Variants in NAALADL2 observed in about 807,000 individuals in gnomAD.
The protein encoded by NAALADL2 is N-acetylated alpha-linked acidic dipeptidase like 2.
NAALADL2 carries 76 observed loss-of-function variants against 87.2 expected under a neutral mutation model. The observed-to-expected ratio is 0.87, with a 90% CI of 0.72 to 1.05. The LOEUF is 1.05. Ranked by LOEUF, NAALADL2 falls within the 50% of genes least tolerant of loss-of-function variation. NAALADL2 has a pLI of 0.00. For missense variants in NAALADL2, 1,089 were observed against 945.8 expected, an observed-to-expected ratio of 1.15 and a Z score of -1.99; for synonymous variants, 354 against 331.0, an observed-to-expected ratio of 1.07 and a Z score of -0.75.
chr3:175,198,788 AT>A (rs34254741), intron 2 of NAALADL2, among the ~76,000 whole-genome samples: 57,561 of 147,966 alleles, frequency 0.39, 11,663 homozygotes, highest in East Asian at 0.47. Flanking sequence ...TTAAGGGCAG[AT>A]TTTTTTTTTT....
At chr3:174,886,115 A>C (rs1474736664) in intron 1 of NAALADL2, among the ~76,000 whole-genome samples, 1 of 151,426 alleles carries the variant, frequency 6.6e-6, no homozygotes, top group Non-Finnish European at 1.5e-5. Context: ...GGGTTTCACC[A>C]TGTTAGCCAG....
At chr3:175,136,070 T>C (rs1046730129) in intron 2 of NAALADL2, among the ~76,000 whole-genome samples, 1 of 152,116 alleles carries the variant, frequency 6.6e-6, no homozygotes, top group Non-Finnish European at 1.5e-5. Flanking sequence ...TTGGTAACCA[T>C]TGTGAACCTA....
chr3:175,228,127 G>A (rs745388015), intron 2 of NAALADL2, among the ~76,000 whole-genome samples: 1 of 151,770 alleles, frequency 6.6e-6, no homozygotes, highest in Non-Finnish European at 1.5e-5. Context: ...TTCTATAAAG[G>A]TGTGCTCATA....
At chr3:175,455,974 T>C (rs1360967864) in intron 6 of NAALADL2, among the ~76,000 whole-genome samples, 1 of 152,014 alleles carries the variant, frequency 6.6e-6, no homozygotes, top group Non-Finnish European at 1.5e-5. Context: ...CTAGAAGAAC[T>C]ATGCCTAGGA....
chr3:174,849,846 G>C (rs1293823985), intron 3 of NAALADL2, among the ~76,000 whole-genome samples: 1 of 151,626 alleles, frequency 6.6e-6, no homozygotes, highest in African/African-American at 2.4e-5. Flanking sequence ...TGTCTTGCTG[G>C]ATTGTCTATT....
chr3:175,241,760 C>A (rs1746927908), intron 3 of NAALADL2, among the ~76,000 whole-genome samples: 1 of 150,768 alleles, frequency 6.6e-6, no homozygotes. Context: ...TAGCTAAATT[C>A]AACTAGGTGG....
At chr3:175,793,459 G>A (rs575429990) in intron 13 of NAALADL2, among the ~76,000 whole-genome samples, 2 of 151,550 alleles carry the variant, frequency 1.3e-5, no homozygotes, top group Admixed American at 1.3e-4. Flanking sequence ...ACAGGCACCC[G>A]CCACCGCGCC....
intron 1 of NAALADL2, among the ~76,000 whole-genome samples, chr3:174,927,974 T>C (rs1736333689): frequency 6.6e-6 from 1 of 152,142 alleles, no homozygotes; most frequent in Non-Finnish European, 1.5e-5. Context: ...CAGGTAGAAA[T>C]AGTCTAAAAA....
rs113776541 is a variant in NAALADL2, at chr3:175,667,270, G to A, written c.1896+39884G>A. Among the ~76,000 whole-genome samples, 317 of 144,624 alleles carry A rather than the reference G, an allele frequency of 2.2e-3. 2 individuals carry two copies. The highest frequency in any genetic ancestry group is 8.5e-3 in the African/African-American group (297 of 34,924). 94.9% of individuals were successfully genotyped at this position (144,624 alleles called of 152,430 possible). On this transcript the variant is annotated intron_variant, in intron 11 of 13. Coordinates refer to ENST00000454872, the MANE Select transcript of NAALADL2 (RefSeq NM_207015.3). ...GAAAGAAAGAAAGAAAGAAAGGAAG[G>A]AAGGGATGGGGATCTGAAGGGGTTA...
At chr3:175,598,689 AT>A (rs1722567686) in intron 10 of NAALADL2, among the ~76,000 whole-genome samples, 1 of 152,132 alleles carries the variant, frequency 6.6e-6, no homozygotes, top group Non-Finnish European at 1.5e-5. Context: ...GCAATAGCCA[AT>A]TGCTATTCTG....
intron 2 of NAALADL2, among the ~76,000 whole-genome samples, chr3:175,162,749 G>A (rs745753728): frequency 1.1e-4 from 16 of 152,062 alleles, no homozygotes; most frequent in Non-Finnish European, 2.1e-4. Flanking sequence ...TATAAGATAG[G>A]CATATCTTGA....
intron 10 of NAALADL2, among the ~76,000 whole-genome samples, chr3:175,577,377 G>A (rs1050757724): frequency 4.6e-5 from 7 of 152,110 alleles, no homozygotes; most frequent in African/African-American, 1.7e-4. Flanking sequence ...ATATTAATGG[G>A]GTAATTTCTA....
chr3:175,353,108 A>ATGTGTGTGTGTGTGTGTGTGTG (rs113022824), intron 5 of NAALADL2, among the ~76,000 whole-genome samples: 5 of 144,876 alleles, frequency 3.5e-5, no homozygotes, highest in African/African-American at 1.3e-4. Context: ...ATTTAATAAA[A>ATGTGTGTGTGTGTGTGTGTGTG]TGTGTGTGTG....
chr3:175,524,087 G>C (rs1475051227), intron 9 of NAALADL2, among the ~76,000 whole-genome samples: 1 of 152,178 alleles, frequency 6.6e-6, no homozygotes, highest in Non-Finnish European at 1.5e-5. Flanking sequence ...TGTGAATGGT[G>C]CATCCCACAC....
intron 4 of NAALADL2, among the ~76,000 whole-genome samples, chr3:175,323,493 A>G (rs561920856): frequency 2.6e-5 from 4 of 152,016 alleles, no homozygotes; most frequent in South Asian, 2.1e-4. Flanking sequence ...TATAATAATA[A>G]TAAAAAAAAG....
chr3:175,398,796 T>C (rs576479269), intron 5 of NAALADL2, among the ~76,000 whole-genome samples: 19 of 152,196 alleles, frequency 1.2e-4, no homozygotes, highest in Non-Finnish European at 1.8e-4. Context: ...TTATTAGTCA[T>C]TTTATTTATT....
At chr3:174,868,182 T>C (rs544112009) in intron 1 of NAALADL2, among the ~76,000 whole-genome samples, 3 of 152,262 alleles carry the variant, frequency 2.0e-5, no homozygotes, top group African/African-American at 7.2e-5. Context: ...AGAAATGTAA[T>C]GCTTTTACCT....
At chr3:174,982,935 C>G (rs1305734911) in intron 1 of NAALADL2, among the ~76,000 whole-genome samples, 4 of 152,210 alleles carry the variant, frequency 2.6e-5, no homozygotes, top group Non-Finnish European at 5.9e-5. Context: ...GTAGCTGGGA[C>G]TACAGGTGCC....
chr3:175,465,251 CAA>C (rs563877269), intron 7 of NAALADL2, among the ~76,000 whole-genome samples: 158 of 84,182 alleles, frequency 1.9e-3, no homozygotes, highest in African/African-American at 4.7e-3. Flanking sequence ...GACTCTATCT[CAA>C]AAAAAAAAAA....
Sources: allele counts gnomAD v4.1 joint callset (sites outside exome capture counted in the v4.1 genomes callset), GRCh38; gene constraint gnomAD v4.1.1; transcripts MANE v1.5; gene names NCBI Gene and HGNC (gene_info 2026-07-23, HGNC 2026-07-21).